BNC2: variants seen among roughly 807,000 people sequenced by gnomAD.
The protein encoded by BNC2 is basonuclin zinc finger protein 2.
A neutral mutation model predicts 76.3 loss-of-function variants in BNC2; 20 were observed. The ratio of observed to expected loss-of-function variants is 0.26; its 90% confidence interval spans 0.18 to 0.38. The LOEUF is 0.38. Ranked by LOEUF, BNC2 falls within the 10% of genes least tolerant of loss-of-function variation. The pLI is 1.00. For missense variants in BNC2, 1,382 were observed against 1,399.8 expected (o/e 0.99, Z 0.20); for synonymous variants, 582 against 514.8 (o/e 1.13, Z -1.77).
chr9:16,520,680 T>A (rs1282985501), intron 5 of BNC2, among the ~76,000 whole-genome samples: 2 of 152,172 alleles, frequency 1.3e-5, no homozygotes, highest in African/African-American at 2.4e-5. Context: ...TGAATCCATA[T>A]CATTCCTGAG....
chr9:16,563,293 AAAC>A (rs1391278291), intron 4 of BNC2, among the ~76,000 whole-genome samples: 1 of 152,164 alleles, frequency 6.6e-6, no homozygotes, highest in African/African-American at 2.4e-5. Flanking sequence ...ATACAGGGAT[AAAC>A]AACATGCCTC....
At chr9:16,777,527 C>T (rs1041274963) in intron 1 of BNC2, among the ~76,000 whole-genome samples, 4 of 151,880 alleles carry the variant, frequency 2.6e-5, no homozygotes, top group African/African-American at 7.3e-5. Flanking sequence ...AGTGAAACCC[C>T]GTCTCCACTA....
At chr9:16,846,047 G>C (rs1421518486) in intron 1 of BNC2, among the ~76,000 whole-genome samples, 2 of 151,860 alleles carry the variant, frequency 1.3e-5, no homozygotes, top group East Asian at 3.9e-4. Context: ...GGCTGACGCA[G>C]GAGAATGGCG....
intron 3 of BNC2, among the ~76,000 whole-genome samples, chr9:16,723,214 T>C (rs1023477445): frequency 6.6e-6 from 1 of 151,988 alleles, no homozygotes; most frequent in Non-Finnish European, 1.5e-5. Flanking sequence ...GAGTAAAAAA[T>C]GGAGAAAACT....
At chr9:16,765,769 G>A (rs1417836206) in intron 1 of BNC2, among the ~76,000 whole-genome samples, 1 of 150,996 alleles carries the variant, frequency 6.6e-6, no homozygotes, top group Non-Finnish European at 1.5e-5. Flanking sequence ...TAGCACAACA[G>A]GGCACTCTCG....
At chr9:16,521,055 A>G (rs1210109192) in intron 5 of BNC2, among the ~76,000 whole-genome samples, 2 of 152,202 alleles carry the variant, frequency 1.3e-5, no homozygotes, top group Non-Finnish European at 2.9e-5. Context: ...GGAGCAAGAT[A>G]TAAGAGGAAC....
At chr9:16,748,922 CT>C (rs1825094759) in intron 1 of BNC2, among the ~76,000 whole-genome samples, 1 of 130,572 alleles carries the variant, frequency 7.7e-6, no homozygotes, top group East Asian at 2.1e-4. Context: ...ACTTTTTATA[CT>C]ATATATATAT....
At chr9:16,496,451 T>A (rs1822391511) in intron 5 of BNC2, among the ~76,000 whole-genome samples, 2 of 152,146 alleles carry the variant, frequency 1.3e-5, no homozygotes, top group Non-Finnish European at 2.9e-5. Flanking sequence ...TGACAAATAT[T>A]CAGAAGAGCC....
chr9:16,811,225 A>C (rs1818042069), intron 1 of BNC2, among the ~76,000 whole-genome samples: 1 of 126,340 alleles, frequency 7.9e-6, no homozygotes, highest in African/African-American at 3.2e-5. Context: ...TTCGTCTCAA[A>C]AGACCAAAAA....
chr9:16,524,566 T>C (rs1817733733), intron 5 of BNC2, among the ~76,000 whole-genome samples: 1 of 152,178 alleles, frequency 6.6e-6, no homozygotes, highest in African/African-American at 2.4e-5. Flanking sequence ...GGAGCTTAAA[T>C]TAGTCTATTT....
intron 5 of BNC2, among the ~76,000 whole-genome samples, chr9:16,485,935 G>A (rs1822155771): frequency 6.6e-6 from 1 of 152,204 alleles, no homozygotes; most frequent in Non-Finnish European, 1.5e-5. Flanking sequence ...GGCTTTCCAG[G>A]AGACCATTTA....
chr9:16,549,995 A>T (rs568602831), intron 5 of BNC2, among the ~76,000 whole-genome samples: 9 of 152,078 alleles, frequency 5.9e-5, no homozygotes, highest in African/African-American at 2.2e-4. Context: ...AATCTATATT[A>T]AAATAATAAA....
chr9:16,805,171 T>G (rs370631593), intron 1 of BNC2, among the ~76,000 whole-genome samples: 1 of 152,216 alleles, frequency 6.6e-6, no homozygotes, highest in East Asian at 1.9e-4. Flanking sequence ...ATGGACATAG[T>G]AGGGTTTGTC....
intron 3 of BNC2, among the ~76,000 whole-genome samples, chr9:16,683,358 C>G (rs770335635): frequency 6.6e-5 from 10 of 152,154 alleles, no homozygotes; most frequent in Non-Finnish European, 1.3e-4. Context: ...GGCTGTATGT[C>G]TAAACAAAAA....
chr9:16,663,375 G>T (rs1822171273), intron 3 of BNC2, among the ~76,000 whole-genome samples: 1 of 151,914 alleles, frequency 6.6e-6, no homozygotes, highest in East Asian at 1.9e-4. Context: ...TGATCCACTG[G>T]CCTCAGCCTC....
At chr9:16,552,823 G>C (rs1818707706) in intron 4 of BNC2, 58 bp from the exon 5 acceptor site, 1 of 1,373,924 alleles carries the variant, frequency 7.3e-7, no homozygotes, top group Non-Finnish European at 1.0e-6. Flanking sequence ...GATAAAGAGA[G>C]AGAACAGGAG....
At chr9:16,770,964 C>A (rs891522496) in intron 1 of BNC2, among the ~76,000 whole-genome samples, 1 of 152,012 alleles carries the variant, frequency 6.6e-6, no homozygotes. Flanking sequence ...TGAGGCCAGG[C>A]GTTCATGACC....
chr9:16,711,480 G>C (rs1037831250), intron 3 of BNC2, among the ~76,000 whole-genome samples: 2 of 152,214 alleles, frequency 1.3e-5, no homozygotes, highest in Non-Finnish European at 2.9e-5. Context: ...ACAGCATGAA[G>C]TGATTATTGT....
chr9:16,434,372 C>T (rs1587019680), intron 6 of BNC2, among the ~76,000 whole-genome samples: 1 of 152,164 alleles, frequency 6.6e-6, no homozygotes, highest in South Asian at 2.1e-4. Context: ...TTGACAAGCA[C>T]TAGAATTACT....
Sources: allele counts gnomAD v4.1 joint callset (sites outside exome capture counted in the v4.1 genomes callset), GRCh38; gene constraint gnomAD v4.1.1; transcripts MANE v1.5; gene names NCBI Gene and HGNC (gene_info 2026-07-23, HGNC 2026-07-21).